MTFMT: variants seen among roughly 807,000 people sequenced by gnomAD.
The protein encoded by MTFMT is mitochondrial methionyl-tRNA formyltransferase.
In MTFMT, 47 loss-of-function variants were observed where a neutral mutation model predicts 51.8. The observed-to-expected ratio is 0.91, with a 90% CI of 0.72 to 1.16. MTFMT has a LOEUF of 1.16. MTFMT is among the 50% of genes most tolerant of loss of function. The pLI is 0.00. For synonymous variants in MTFMT, 196 were observed against 176.7 expected (o/e 1.11, Z -0.87); for missense variants, 512 against 482.3 (o/e 1.06, Z -0.58).
At chr15:65,021,215 T>C (rs903061045) in intron 4 of MTFMT, among the ~76,000 whole-genome samples, 9 of 152,056 alleles carry the variant, frequency 5.9e-5, no homozygotes, top group African/African-American at 1.4e-4. Flanking sequence ...AAGGTATACA[T>C]ACCAGAGTGC....
intron 6 of MTFMT, among the ~76,000 whole-genome samples, chr15:65,007,152 G>A (rs2086225726): frequency 6.6e-6 from 1 of 152,216 alleles, no homozygotes; most frequent in African/African-American, 2.4e-5. Flanking sequence ...GTGGTGGCCT[G>A]GTATTCAATC....
At chr15:65,024,574 C>T (rs1333381458) in intron 2 of MTFMT, among the ~76,000 whole-genome samples, 2 of 151,328 alleles carry the variant, frequency 1.3e-5, no homozygotes, top group African/African-American at 4.9e-5. Context: ...GGATGGCTCA[C>T]TGCAGCCTCA....
chr15:65,003,124 G>A lies in MTFMT; in HGVS notation c.1108C>T (p.Leu370Phe). 1 of 1,612,888 alleles carries A rather than the reference G, an allele frequency of 6.2e-7. No homozygotes were observed. The highest frequency in any genetic ancestry group is 8.5e-7 in the Non-Finnish European group (1 of 1,179,408). Residue 370 changes from leucine to phenylalanine, a missense_variant, in exon 9 of 9, where the codon CTC becomes TTC. Coordinates refer to ENST00000220058, the MANE Select transcript of MTFMT (RefSeq NM_139242.4). ...AQPSQCRFQT[L>F]RLPTKKKQKK... ...TGCTTCTTCTTTGTTGGAAGTCTGA[G>A]AGTCTGAAATCTGCATTGGCTTGGT...
At chr15:65,019,165 C>T (rs1268329578) in intron 5 of MTFMT, among the ~76,000 whole-genome samples, 1 of 152,136 alleles carries the variant, frequency 6.6e-6, no homozygotes, top group Non-Finnish European at 1.5e-5. Flanking sequence ...AAAGGGAAAA[C>T]ACATCTTAAC....
At position 65,027,015 on chromosome 15, in the gene MTFMT, C is replaced by A. The variant is rs751023728; in HGVS notation, c.235G>T (p.Asp79Tyr). ...GGCATTGTGACCACCTCCAGTTTGTCGATTAACTCTTCTTCTTTGTTTTCC... is the reference window on the plus strand; with the variant it reads ...GGCATTGTGACCACCTCCAGTTTGTAGATTAACTCTTCTTCTTTGTTTTCC... ...ARENKEEELI[D>Y]KLEVVTMPSP... is the part of the protein sequence containing the mutation. The change falls in exon 2 of 9, where the codon GAC (aspartate) becomes TAC (tyrosine). Residue 79 changes from aspartate to tyrosine, a missense_variant. Transcript: ENST00000220058. 6.2e-7 allele frequency: 1 copy of A among 1,613,768 alleles called. No individual in the cohort carries two copies. The highest frequency in any genetic ancestry group is 1.7e-5 in the Admixed American group (1 of 59,982).
chr15:65,003,261 A>AG lies in MTFMT; in HGVS notation c.976-6dup. On this transcript the variant is annotated splice_polypyrimidine_tract_variant and splice_region_variant and intron_variant, in intron 8 of 8. Coordinates refer to ENST00000220058, the MANE Select transcript of MTFMT (RefSeq NM_139242.4). The stretch of plus-strand genomic sequence containing the variant: ...TCGAACACCAATCCAACCATCCTAA[A>AG]GGGCAAAATACAAATAGTGAATAGG... 6.2e-7 allele frequency: 1 copy of AG among 1,610,968 alleles called. No homozygotes were observed. Among genetic ancestry groups the AG allele is most frequent in the Non-Finnish European group, 8.5e-7 (1 of 1,178,112 alleles).
chr15:65,026,979 G>T lies in MTFMT; in HGVS notation c.271C>A (p.Pro91Thr). ...LEVVTMPSPS[P>T]KGLPVKQYAV... ...TATTGCTTCACTGGCAGTCCTTTTG[G>T]TGATGGGGAAGGCATTGTGACCACC... The change falls in exon 2 of 9, where the codon CCA becomes ACA. Residue 91 changes from proline (P) to threonine (T), a missense_variant. Coordinates refer to ENST00000220058, the MANE Select transcript of MTFMT (RefSeq NM_139242.4). 6.2e-7 allele frequency: 1 copy of T among 1,613,992 alleles called. No individual in the cohort carries two copies. The highest frequency in any genetic ancestry group is 8.5e-7 in the Non-Finnish European group (1 of 1,179,890).
Position 65,016,286 on chromosome 15 carries a change from A to C in MTFMT, c.813+150T>G, listed in dbSNP as rs1277364541. ...CAGCTTAAAGAATTTTTAAGAATAA[A>C]TTTCAGGTTTTCTAGGTTTTGTTCC... On this transcript the variant is annotated intron_variant, in intron 6 of 8. Transcript: ENST00000220058. 4 of 535,682 alleles carry C rather than the reference A, an allele frequency of 7.5e-6. No homozygotes were observed. The East Asian group carries it at 9.3e-5, about 12-fold the overall frequency. The allele number at this position is 535,682 out of a possible 1,614,324, so 33.2% of individuals were successfully genotyped here. A position where few individuals can be genotyped will look rare whatever the true frequency, so the allele number is the denominator to read the frequency against.
At chr15:65,021,442 G>A (rs1170877421) in intron 4 of MTFMT, 72 bp downstream of exon 4, 4 of 1,116,154 alleles carry the variant, frequency 3.6e-6, no homozygotes, top group Non-Finnish European at 5.4e-6. Flanking sequence ...TCACAAAATT[G>A]TTCTTCTTTT....
rs899280502 is a variant in MTFMT, at chr15:65,002,524, T to C, written c.*538A>G. Reference sequence around the variant, plus strand: ...ATCTCCTTGAGTTTCGTATCATAAATACAAGTTTTATTTAAACTTTTTTGT... The same window carrying C: ...ATCTCCTTGAGTTTCGTATCATAAACACAAGTTTTATTTAAACTTTTTTGT... On this transcript the variant is annotated 3_prime_UTR_variant, in exon 9 of 9. Transcript: ENST00000220058. 1 of 152,220 alleles carries C rather than the reference T, an allele frequency of 6.6e-6. No homozygotes were observed. The highest frequency in any genetic ancestry group is 1.5e-5 in the Non-Finnish European group (1 of 68,052). The allele number at this position is 152,220 out of a possible 1,614,324, so 9.4% of individuals were successfully genotyped here.
chr15:65,006,601 C>T (rs1017551711), intron 6 of MTFMT, among the ~76,000 whole-genome samples: 2 of 152,120 alleles, frequency 1.3e-5, no homozygotes, highest in African/African-American at 4.8e-5. Context: ...TGGTCTCTAT[C>T]TCCTGACCTC....
At chr15:65,008,239 G>T (rs936606401) in intron 6 of MTFMT, among the ~76,000 whole-genome samples, 1 of 151,936 alleles carries the variant, frequency 6.6e-6, no homozygotes, top group Non-Finnish European at 1.5e-5. Context: ...TAAAAGATAG[G>T]ATTTGAGGGC....
intron 3 of MTFMT, among the ~76,000 whole-genome samples, chr15:65,022,455 G>GA (rs771754645): frequency 4.0e-3 from 467 of 115,498 alleles, no homozygotes; most frequent in African/African-American, 8.4e-3. Context: ...CCCGTCTCAA[G>GA]AAAAAAAAAA....
intron 2 of MTFMT, among the ~76,000 whole-genome samples, chr15:65,025,509 T>C (rs1354689109): frequency 2.0e-5 from 3 of 152,222 alleles, no homozygotes; most frequent in Non-Finnish European, 4.4e-5. Flanking sequence ...AGGAGGCTTC[T>C]GTAGTAATGT....
In MTFMT at chr15:65,001,939, T is replaced by G. The variant is rs776687467; in HGVS notation, c.*1123A>C. 6 of 152,160 alleles carry G rather than the reference T, an allele frequency of 3.9e-5. No individual in the cohort carries two copies. Among genetic ancestry groups the G allele is most frequent in the Non-Finnish European group, 7.3e-5 (5 of 68,028 alleles). 9.4% of individuals were successfully genotyped at this position (152,160 alleles called of 1,614,324 possible). A position where few individuals can be genotyped will look rare whatever the true frequency, so the allele number is the denominator to read the frequency against. ...TAGTACAGATCAATGTGGCAGAGAT[T>G]ATTAAATATTACCTACGTTTACTAC... is the stretch of plus-strand genomic sequence containing the variant. On this transcript the variant is annotated 3_prime_UTR_variant, in exon 9 of 9. Coordinates refer to ENST00000220058, the MANE Select transcript of MTFMT (RefSeq NM_139242.4).
chr15:65,023,742 G>A lies in MTFMT; in HGVS notation c.472C>T (p.Pro158Ser), dbSNP rs371912246. The A allele has an allele frequency of 7.4e-6, 12 of 1,613,166 alleles. No individual in the cohort carries two copies. The highest frequency in any genetic ancestry group is 1.0e-5 in the Non-Finnish European group (12 of 1,179,484). ...CCGTGAAGCACTGTATGGATTACAG[G>A]GGCTGGGCCACGCCATCTCGGGAGG... is the stretch of plus-strand genomic sequence containing the variant. ...SCLPRWRGPA[P>S]VIHTVLHGDT... Residue 158 changes from proline to serine, a missense_variant, in exon 3 of 9, where the codon CCT becomes TCT. Pro to Ser is a moderately conservative substitution (Grantham distance 74). Transcript: ENST00000220058.
chr15:65,003,502 T>C (rs2086194510), intron 8 of MTFMT, among the ~76,000 whole-genome samples: 1 of 152,022 alleles, frequency 6.6e-6, no homozygotes, highest in Non-Finnish European at 1.5e-5. Flanking sequence ...CGATAACAAA[T>C]GTATAGATCT....
chr15:65,028,054 TGAG>T (rs1390836113), intron 1 of MTFMT, among the ~76,000 whole-genome samples: 3 of 152,170 alleles, frequency 2.0e-5, no homozygotes, highest in African/African-American at 7.2e-5. Context: ...TGAGGAGTTA[TGAG>T]GAGTATGTCC....
At chr15:65,024,221 A>G (rs1193913622) in intron 2 of MTFMT, among the ~76,000 whole-genome samples, 2 of 152,126 alleles carry the variant, frequency 1.3e-5, no homozygotes, top group African/African-American at 4.8e-5. Flanking sequence ...AGCTACTCGG[A>G]AGGCTGAGAC....
Sources: allele counts gnomAD v4.1 joint callset (sites outside exome capture counted in the v4.1 genomes callset), GRCh38; gene constraint gnomAD v4.1.1; transcripts MANE v1.5; gene names NCBI Gene and HGNC (gene_info 2026-07-23, HGNC 2026-07-21).